LARGE1: variants seen among roughly 807,000 people sequenced by gnomAD.
LARGE1 encodes xylosyl- and glucuronyltransferase LARGE1.
LARGE1 carries 43 observed loss-of-function variants against 87.6 expected under a neutral mutation model. That is an observed-to-expected ratio of 0.49 (90% CI 0.38 to 0.63). The LOEUF is 0.63. Ranked by LOEUF, LARGE1 falls within the 30% of genes least tolerant of loss-of-function variation. The probability of loss-of-function intolerance (pLI) is 0.00; values close to 1 mark genes in which losing one functional copy is unlikely to be tolerated. For synonymous variants in LARGE1, 434 were observed against 394.6 expected, an observed-to-expected ratio of 1.10 and a Z score of -1.18; for missense variants, 802 against 1,000.2, an observed-to-expected ratio of 0.80 and a Z score of 2.67.
intron 6 of LARGE1, among the ~76,000 whole-genome samples, chr22:33,483,856 C>T (rs1391959834): frequency 1.3e-5 from 2 of 152,090 alleles, no homozygotes; most frequent in African/African-American, 4.8e-5. Flanking sequence ...ATCCTGTTCC[C>T]CAAGGCCCCT....
chr22:33,258,949 C>T (rs1335025881), intron 11 of LARGE1, among the ~76,000 whole-genome samples: 1 of 151,394 alleles, frequency 6.6e-6, no homozygotes, highest in African/African-American at 2.4e-5. Context: ...ACGATCTTGG[C>T]TCACTGCAAC....
intron 1 of LARGE1, among the ~76,000 whole-genome samples, chr22:33,875,613 C>T (rs76539250): frequency 0.039 from 6,009 of 152,342 alleles, 161 homozygotes; most frequent in Middle Eastern, 0.061. Flanking sequence ...GCAGCAGCCC[C>T]AGCCATGTCC....
At chr22:33,215,330 C>G (rs899411635) in intron 11 of LARGE1, among the ~76,000 whole-genome samples, 7 of 152,078 alleles carry the variant, frequency 4.6e-5, no homozygotes, top group African/African-American at 1.7e-4. Flanking sequence ...TTAGGGGGAA[C>G]CCAAACTAAG....
chr22:33,602,921 T>G (rs1273935884), intron 5 of LARGE1, among the ~76,000 whole-genome samples: 3 of 152,190 alleles, frequency 2.0e-5, no homozygotes, highest in East Asian at 3.9e-4. Context: ...GAGGCATCCT[T>G]CGGAACCAGC....
the LARGE1 span, among the ~76,000 whole-genome samples, chr22:33,083,652 T>G: frequency 6.6e-6 from 1 of 152,216 alleles, no homozygotes; most frequent in African/African-American, 2.4e-5. Context: ...TGCTGAGATT[T>G]AAGGCTAAAT....
chr22:33,721,533 T>C (rs1013151327), intron 2 of LARGE1, among the ~76,000 whole-genome samples: 57 of 152,326 alleles, frequency 3.7e-4, no homozygotes, highest in African/African-American at 1.4e-3. Flanking sequence ...CACACACCTA[T>C]GAGCATAAAA....
chr22:33,817,960 T>C (rs555918532), intron 1 of LARGE1, among the ~76,000 whole-genome samples: 1 of 151,796 alleles, frequency 6.6e-6, no homozygotes, highest in South Asian at 2.1e-4. Context: ...AAGAACAGGG[T>C]AGCATGGTGG....
the LARGE1 span, among the ~76,000 whole-genome samples, chr22:33,070,027 G>A: frequency 6.6e-6 from 1 of 152,190 alleles, no homozygotes; most frequent in South Asian, 2.1e-4. Flanking sequence ...TCTACATGTT[G>A]GTCAGACTGA....
At chr22:33,338,184 A>G (rs1439170343) in intron 9 of LARGE1, among the ~76,000 whole-genome samples, 1 of 152,104 alleles carries the variant, frequency 6.6e-6, no homozygotes, top group Non-Finnish European at 1.5e-5. Flanking sequence ...GGTGCCACCC[A>G]GAGGGAGCAT....
chr22:33,358,997 T>TAAA (rs35961638), intron 9 of LARGE1, among the ~76,000 whole-genome samples: 1 of 141,772 alleles, frequency 7.1e-6, no homozygotes, highest in Non-Finnish European at 1.5e-5. Context: ...GACTCCATCT[T>TAAA]AAAAAAAAAA....
intron 2 of LARGE1, among the ~76,000 whole-genome samples, chr22:33,719,530 T>TATTTATTTA (rs1491536776): frequency 6.6e-6 from 1 of 151,438 alleles, no homozygotes; most frequent in African/African-American, 2.4e-5. Flanking sequence ...TTTATTTATT[T>TATTTATTTA]ATTTTTTTGA....
At position 33,361,542 on chromosome 22, in the gene LARGE1, A is replaced by G. The variant is rs111454900; in HGVS notation, c.1131+20377T>C. On this transcript the variant is annotated intron_variant, in intron 9 of 14. Coordinates refer to ENST00000397394, the MANE Select transcript of LARGE1 (RefSeq NM_133642.5). The stretch of plus-strand genomic sequence containing the variant: ...GAGCAGGGGAGGAGCAGCAGTTTTC[A>G]CAGGACTGTGGAGAGGGGCAGCAAG... 5.4e-3 allele frequency among the ~76,000 whole-genome samples: 810 copies of G among 149,618 alleles called. 38 individuals are homozygous for G. The highest frequency in any genetic ancestry group is 0.019 in the African/African-American group (782 of 40,732).
the LARGE1 span, among the ~76,000 whole-genome samples, chr22:33,111,751 T>C: frequency 6.6e-6 from 1 of 152,342 alleles, no homozygotes; most frequent in East Asian, 1.9e-4. Context: ...CTCCCTCATC[T>C]GTAGGGGGTT....
chr22:33,798,133 A>T (rs5999105), intron 1 of LARGE1, among the ~76,000 whole-genome samples: 2 of 152,164 alleles, frequency 1.3e-5, no homozygotes, highest in Admixed American at 1.3e-4. Flanking sequence ...TCTACTAAAA[A>T]TACAAAATTT....
intron 2 of LARGE1, among the ~76,000 whole-genome samples, chr22:33,751,437 A>C (rs1283192543): frequency 6.6e-6 from 1 of 151,518 alleles, no homozygotes; most frequent in East Asian, 1.9e-4. Flanking sequence ...GTGAGCAAAG[A>C]TTGTGCCACT....
chr22:33,278,633 AC>A (rs1929822737), intron 13 of LARGE1, among the ~76,000 whole-genome samples: 1 of 152,186 alleles, frequency 6.6e-6, no homozygotes, highest in African/African-American at 2.4e-5. Flanking sequence ...ATGTCAAAGT[AC>A]AAGTAGTCAG....
Position 33,386,660 on chromosome 22 carries a change from C to G in LARGE1, c.893-2356G>C, listed in dbSNP as rs28664958. On this transcript the variant is annotated intron_variant, in intron 7 of 14. Coordinates refer to ENST00000397394, the MANE Select transcript of LARGE1 (RefSeq NM_133642.5). ...AGGAAGGTACACAGTGGAAATTGTT[C>G]GCCATAAATGTATTATCTGATTGTT... 5.4e-5 allele frequency among the ~76,000 whole-genome samples: 8 copies of G among 148,408 alleles called. 2 individuals carry two copies. The highest frequency in any genetic ancestry group is 1.2e-4 in the Non-Finnish European group (8 of 66,448).
At chr22:33,125,015 G>T in the LARGE1 span, among the ~76,000 whole-genome samples, 2 of 152,192 alleles carry the variant, frequency 1.3e-5, no homozygotes, top group East Asian at 3.9e-4. Context: ...CTAATGACAT[G>T]CTAATTAAGA....
At chr22:33,873,062 C>T (rs1167004592) in intron 1 of LARGE1, 1 of 152,252 alleles carries the variant, frequency 6.6e-6, no homozygotes, top group South Asian at 2.1e-4. Context: ...AAGCAAGCCT[C>T]TTACATTAAA....
Sources: allele counts gnomAD v4.1 joint callset (sites outside exome capture counted in the v4.1 genomes callset), GRCh38; gene constraint gnomAD v4.1.1; transcripts MANE v1.5; gene names NCBI Gene and HGNC (gene_info 2026-07-23, HGNC 2026-07-21).